AKAP7: variants seen among roughly 807,000 people sequenced by gnomAD.
The protein encoded by AKAP7 is A-kinase anchoring protein 7, also known as A kinase (PRKA) anchor protein 7.
AKAP7 carries 39 observed loss-of-function variants against 39.5 expected under a neutral mutation model. The ratio of observed to expected loss-of-function variants is 0.99; its 90% confidence interval spans 0.76 to 1.29. The LOEUF (loss-of-function observed/expected upper bound fraction) is 1.29. AKAP7 is among the 50% of genes most tolerant of loss of function. AKAP7 has a pLI of 0.00. For synonymous variants in AKAP7, 140 were observed against 139.1 expected (o/e 1.01, Z -0.05); for missense variants, 414 against 407.7 (o/e 1.02, Z -0.13).
intron 7 of AKAP7, among the ~76,000 whole-genome samples, chr6:131,276,710 A>T (rs1279801795): frequency 6.6e-6 from 1 of 152,164 alleles, no homozygotes; most frequent in Non-Finnish European, 1.5e-5. Context: ...TAATGTTTTC[A>T]TGTTTAGTGT....
At chr6:131,271,411 T>C (rs2128334897) in intron 7 of AKAP7, among the ~76,000 whole-genome samples, 1 of 152,300 alleles carries the variant, frequency 6.6e-6, no homozygotes, top group Non-Finnish European at 1.5e-5. Flanking sequence ...ATTATCTATA[T>C]GTCTATACTT....
chr6:131,248,203 C>T (rs1250240662), intron 7 of AKAP7, among the ~76,000 whole-genome samples: 2 of 152,112 alleles, frequency 1.3e-5, no homozygotes, highest in Non-Finnish European at 2.9e-5. Flanking sequence ...TTCTCTTCTT[C>T]CCCTCCCCAT....
At chr6:131,190,645 GA>G (rs761012580) in intron 5 of AKAP7, among the ~76,000 whole-genome samples, 144 of 130,044 alleles carry the variant, frequency 1.1e-3, no homozygotes, top group Middle Eastern at 4.0e-3. Context: ...ATTCTGTCTT[GA>G]AAAAAAAAAA....
intron 7 of AKAP7, among the ~76,000 whole-genome samples, chr6:131,265,068 C>A (rs567797542): frequency 1.3e-5 from 2 of 152,256 alleles, no homozygotes; most frequent in South Asian, 4.1e-4. Context: ...ACATCTAAAC[C>A]ATATTAATAG....
intron 7 of AKAP7, among the ~76,000 whole-genome samples, chr6:131,249,533 T>C (rs1369359382): frequency 6.6e-6 from 1 of 152,096 alleles, no homozygotes; most frequent in Non-Finnish European, 1.5e-5. Flanking sequence ...AGCTAGTAAA[T>C]AGAGGAGTAA....
intron 1 of AKAP7, among the ~76,000 whole-genome samples, chr6:131,140,330 C>T (rs759691601): frequency 1.3e-5 from 2 of 152,004 alleles, no homozygotes; most frequent in Non-Finnish European, 2.9e-5. Flanking sequence ...CCATTGTTAC[C>T]GTGTGATTCT....
intron 7 of AKAP7, among the ~76,000 whole-genome samples, chr6:131,272,593 T>G (rs1814381725): frequency 6.6e-6 from 1 of 152,226 alleles, no homozygotes; most frequent in Non-Finnish European, 1.5e-5. Context: ...TAATTCCTCT[T>G]GATTTCATCT....
At position 131,265,795 on chromosome 6, in the gene AKAP7, A is replaced by G. The variant is rs146077228; in HGVS notation, c.851-15735A>G. On this transcript the variant is annotated intron_variant, in intron 7 of 7. Transcript: ENST00000431975. ...AGTTTTGTAGACTTCGGCAAGTCTC[A>G]TGGCTTCTCTGACTCTTGTTTGTAA... Among the ~76,000 whole-genome samples the G allele has an allele frequency of 1.7e-3, 264 of 152,294 alleles. 1 individual carries two copies. Among genetic ancestry groups the G allele is most frequent in the African/African-American group, 5.8e-3 (243 of 41,558 alleles).
intron 1 of AKAP7, among the ~76,000 whole-genome samples, chr6:131,144,070 G>T (rs1461792821): frequency 7.3e-6 from 1 of 137,360 alleles, no homozygotes; most frequent in African/African-American, 2.8e-5. Flanking sequence ...GAGAGCACAG[G>T]GTTGGGGATA....
intron 6 of AKAP7, among the ~76,000 whole-genome samples, chr6:131,205,966 T>C (rs907974488): frequency 6.6e-6 from 1 of 152,236 alleles, no homozygotes; most frequent in African/African-American, 2.4e-5. Flanking sequence ...TCATGCTTTT[T>C]GTACGGTATC....
chr6:131,165,288 C>G (rs1211594357), intron 4 of AKAP7, 71 bp downstream of exon 4: 14 of 1,135,196 alleles, frequency 1.2e-5, no homozygotes, highest in Admixed American at 2.4e-5. Context: ...ACAGCAGAAC[C>G]CAAAGAGACA....
At chr6:131,143,745 TTTTTTTATTTTTTA>T (rs538956127) in intron 1 of AKAP7, among the ~76,000 whole-genome samples, 11 of 143,492 alleles carry the variant, frequency 7.7e-5, no homozygotes, top group Non-Finnish European at 1.2e-4. Context: ...ATTCTTTTTT[TTTTTTTATTTTTTA>T]TTTTTTATTT....
chr6:131,253,946 G>A (rs888447304), intron 7 of AKAP7, among the ~76,000 whole-genome samples: 2 of 152,070 alleles, frequency 1.3e-5, no homozygotes, highest in Non-Finnish European at 2.9e-5. Flanking sequence ...TCGGGGTGCA[G>A]GTATTCCTTT....
At chr6:131,155,950 T>C (rs2128235119) in intron 2 of AKAP7, among the ~76,000 whole-genome samples, 1 of 152,344 alleles carries the variant, frequency 6.6e-6, no homozygotes, top group South Asian at 2.1e-4. Flanking sequence ...CAGCTCTTTC[T>C]CCAAGGATTA....
intron 7 of AKAP7, among the ~76,000 whole-genome samples, chr6:131,278,805 G>A (rs1585232979): frequency 6.6e-6 from 1 of 152,322 alleles, no homozygotes; most frequent in Non-Finnish European, 1.5e-5. Context: ...GGGGATTACA[G>A]TTCCGCAGGA....
At chr6:131,223,295 C>T (rs185496411) in intron 7 of AKAP7, among the ~76,000 whole-genome samples, 3 of 152,216 alleles carry the variant, frequency 2.0e-5, no homozygotes, top group Admixed American at 1.3e-4. Context: ...TAATTTATCT[C>T]CAAATCAGCT....
At chr6:131,131,980 G>C (rs1800338641), upstream of AKAP7, among the ~76,000 whole-genome samples, 2 of 152,126 alleles carry the variant, frequency 1.3e-5, no homozygotes, top group African/African-American at 4.8e-5. Flanking sequence ...TAGGATGTTT[G>C]GTTATTGACA....
rs548751565 is a variant in AKAP7, at chr6:131,142,536, C to G, written c.20-2749C>G. ...GTGAAGGAGGCATGGCAGCTTCCAC[C>G]TAGATTTCAGATGATGTACCAGAAA... On this transcript the variant is annotated intron_variant, in intron 1 of 7. Coordinates refer to ENST00000431975, the MANE Select transcript of AKAP7 (RefSeq NM_016377.4). 1.2e-4 allele frequency among the ~76,000 whole-genome samples: 18 copies of G among 152,370 alleles called. No individual in the cohort carries two copies. In the South Asian group the frequency reaches 3.7e-3, roughly 32 times the overall value.
chr6:131,151,043 AT>A (rs201666244), intron 2 of AKAP7, among the ~76,000 whole-genome samples: 10 of 149,972 alleles, frequency 6.7e-5, no homozygotes, highest in Admixed American at 2.0e-4. Context: ...TCCTCTTAGA[AT>A]TTTTTTTTTG....
Sources: allele counts gnomAD v4.1 joint callset (sites outside exome capture counted in the v4.1 genomes callset), GRCh38; gene constraint gnomAD v4.1.1; transcripts MANE v1.5; gene names NCBI Gene and HGNC (gene_info 2026-07-23, HGNC 2026-07-21).